The following ALDH5A1 variants were observed in gnomAD, a reference collection of about 807,000 sequenced individuals.
The protein encoded by ALDH5A1 is aldehyde dehydrogenase 5 family member A1, also known as succinate-semialdehyde dehydrogenase, mitochondrial.
A neutral mutation model predicts 54.7 loss-of-function variants in ALDH5A1; 33 were observed. The observed-to-expected ratio is 0.60, with a 90% confidence interval of 0.46 to 0.81. The LOEUF (loss-of-function observed/expected upper bound fraction) is 0.81. Ranked by LOEUF, ALDH5A1 falls within the 30% of genes least tolerant of loss-of-function variation. The pLI, the probability that ALDH5A1 is intolerant of heterozygous loss-of-function variation, is 0.00. For missense variants in ALDH5A1, 657 were observed against 711.0 expected, an observed-to-expected ratio of 0.92 and a Z score of 0.86; for synonymous variants, 294 against 292.7, an observed-to-expected ratio of 1.00 and a Z score of -0.05.
intron 4 of ALDH5A1, among the ~76,000 whole-genome samples, chr6:24,508,688 T>A (rs1759407794): frequency 6.6e-6 from 1 of 152,170 alleles, no homozygotes; most frequent in South Asian, 2.1e-4. Flanking sequence ...CTCTAAGGAA[T>A]CTCCACACTG....
At chr6:24,506,543 G>T (rs868815796) in intron 4 of ALDH5A1, among the ~76,000 whole-genome samples, 1 of 151,910 alleles carries the variant, frequency 6.6e-6, no homozygotes. Flanking sequence ...GAGCCACCAC[G>T]CTCGGCCTCT....
At chr6:24,497,988 CAGT>C (rs1764746636) in intron 1 of ALDH5A1, among the ~76,000 whole-genome samples, 1 of 150,792 alleles carries the variant, frequency 6.6e-6, no homozygotes, top group Non-Finnish European at 1.5e-5. Flanking sequence ...AGGGTGGTAG[CAGT>C]GGACAAGGTG....
chr6:24,519,755 G>GTT (rs35222716), intron 5 of ALDH5A1, among the ~76,000 whole-genome samples: 72 of 145,878 alleles, frequency 4.9e-4, no homozygotes, highest in East Asian at 1.4e-3. Context: ...ATACCATCCT[G>GTT]TTTTTTTTTT....
intron 7 of ALDH5A1, among the ~76,000 whole-genome samples, chr6:24,526,969 TG>T (rs1759820373): frequency 9.6e-4 from 7 of 7,286 alleles, no homozygotes; most frequent in African/African-American, 2.2e-3. Context: ...TATATATGTG[TG>T]TGTGTATATA....
intron 1 of ALDH5A1, among the ~76,000 whole-genome samples, chr6:24,499,372 T>A (rs950813826): frequency 1.3e-5 from 2 of 152,200 alleles, no homozygotes; most frequent in African/African-American, 4.8e-5. Flanking sequence ...GCGCTCTCTT[T>A]AGAGTGCCTT....
chr6:24,520,453 G>A lies in ALDH5A1; in HGVS notation c.923G>A (p.Gly308Asp), dbSNP rs766161222. Residue 308 changes from glycine to aspartate, a missense_variant, in exon 6 of 10, where the codon GGC (glycine) becomes GAC (aspartate). Transcript: ENST00000357578. ...NSVKRVSMELGGLAPFIVFDS... is the reference protein window; with the variant it reads ...NSVKRVSMELDGLAPFIVFDS... ...GTGAAAAGGGTCTCTATGGAGCTGG[G>A]CGGCCTTGCTCCATTTATAGTATTT... is the stretch of plus-strand genomic sequence containing the variant. 2 of 1,614,200 alleles carry A rather than the reference G, an allele frequency of 1.2e-6. No homozygotes were observed. The highest frequency in any genetic ancestry group is 3.3e-5 in the Admixed American group (2 of 60,014).
chr6:24,499,141 A>G (rs1764770639), intron 1 of ALDH5A1, among the ~76,000 whole-genome samples: 1 of 150,674 alleles, frequency 6.6e-6, no homozygotes, highest in African/African-American at 2.4e-5. Flanking sequence ...AAAATTAGCC[A>G]GGCATTGTGG....
At position 24,530,383 on chromosome 6, in the gene ALDH5A1, C is replaced by T. The variant is rs115306228; in HGVS notation, c.1344-1736C>T. On this transcript the variant is annotated intron_variant, in intron 8 of 9. Coordinates refer to ENST00000357578, the MANE Select transcript of ALDH5A1 (RefSeq NM_001080.3). ...TTTTTAAAAAAAACATTTTTATTCT[C>T]TTCCACCATTTCTGTCTCCCGTGGT... Among the ~76,000 whole-genome samples the T allele has an allele frequency of 3.6e-3, 544 of 152,266 alleles. 1 individual carries two copies. Among genetic ancestry groups the T allele is most frequent in the African/African-American group, 0.012 (506 of 41,566 alleles).
Position 24,532,116 on chromosome 6 carries a change from C to A in ALDH5A1, c.1344-3C>A. 3 of 1,614,016 alleles carry A rather than the reference C, an allele frequency of 1.9e-6. No homozygotes were observed. Among genetic ancestry groups the A allele is most frequent in the Non-Finnish European group, 8.5e-7 (1 of 1,179,894 alleles). On this transcript the variant is annotated splice_polypyrimidine_tract_variant and splice_region_variant and intron_variant, in intron 8 of 9. Coordinates refer to ENST00000357578, the MANE Select transcript of ALDH5A1 (RefSeq NM_001080.3). The stretch of plus-strand genomic sequence containing the variant: ...TTTTTATGACCTATCTTAACTTTGG[C>A]AGGTTCGATACAGAGGAGGAGGCTA...
chr6:24,530,510 T>G (rs1180101497), intron 8 of ALDH5A1, among the ~76,000 whole-genome samples: 1 of 152,176 alleles, frequency 6.6e-6, no homozygotes, highest in Non-Finnish European at 1.5e-5. Context: ...TCGGCAGCCT[T>G]GGCTTGTAAT....
chr6:24,502,385 A>C (rs542343748), intron 1 of ALDH5A1, 138 bp from the exon 2 acceptor site: 22 of 751,512 alleles, frequency 2.9e-5, no homozygotes, highest in Non-Finnish European at 5.1e-5. Context: ...TCCCAGTCAA[A>C]TTTACACATA....
chr6:24,502,776 G>T (rs190512078), intron 2 of ALDH5A1, among the ~76,000 whole-genome samples, 170 bp downstream of exon 2: 26 of 152,206 alleles, frequency 1.7e-4, no homozygotes, highest in Middle Eastern at 3.4e-3. Context: ...ACTTAGATTT[G>T]CTAAAATAAT....
At chr6:24,521,741 A>AGGT (rs1245623922) in intron 6 of ALDH5A1, among the ~76,000 whole-genome samples, 1 of 152,066 alleles carries the variant, frequency 6.6e-6, no homozygotes, top group African/African-American at 2.4e-5. Flanking sequence ...ACTTGGGGAC[A>AGGT]GGTATGGTGG....
chr6:24,519,180 A>G (rs1463223068), intron 5 of ALDH5A1, among the ~76,000 whole-genome samples: 3 of 152,012 alleles, frequency 2.0e-5, no homozygotes, highest in Non-Finnish European at 4.4e-5. Context: ...TTTAATGGCA[A>G]GGATGGAAAC....
intron 4 of ALDH5A1, among the ~76,000 whole-genome samples, chr6:24,513,720 A>G (rs1464423450): frequency 6.6e-6 from 1 of 152,196 alleles, no homozygotes. Flanking sequence ...TTGATAGGGC[A>G]AGGCCCTCCC....
At chr6:24,519,799 A>G (rs114919967) in intron 5 of ALDH5A1, among the ~76,000 whole-genome samples, 2,019 of 151,044 alleles carry the variant, frequency 0.013, 39 homozygotes, top group African/African-American at 0.045. Flanking sequence ...CTGCATGGCT[A>G]CATTCTAAAT....
At chr6:24,512,361 A>G (rs79232381) in intron 4 of ALDH5A1, among the ~76,000 whole-genome samples, 4,609 of 152,284 alleles carry the variant, frequency 0.03, 109 homozygotes, top group South Asian at 0.1. Context: ...TGTTTTGTCC[A>G]TCCGAGTGGG....
rs1299931365 is a variant in ALDH5A1 at position 24,531,860 on chromosome 6, A to G, written c.1344-259A>G. On this transcript the variant is annotated intron_variant, in intron 8 of 9. Transcript: ENST00000357578. ...TTTTGTTTGATATTCTGGATATGCC[A>G]CAGTTCCCTACATGTTGGTCTGCTT... is the stretch of plus-strand genomic sequence containing the variant. 13 of 524,396 alleles carry G rather than the reference A, an allele frequency of 2.5e-5. No individual in the cohort carries two copies. The East Asian group carries it at 4.4e-4, about 18-fold the overall frequency. The allele number at this position is 524,396 out of a possible 1,614,324, so 32.5% of individuals were successfully genotyped here.
rs1475837931 is a variant in ALDH5A1 at position 24,533,666 on chromosome 6, T to C, written c.1562T>C (p.Ile521Thr). The C allele has an allele frequency of 1.9e-6, 3 of 1,614,150 alleles. No homozygotes were observed. The highest frequency in any genetic ancestry group is 4.5e-5 in the East Asian group (2 of 44,890). The change falls in exon 10 of 10, where the codon ATT (isoleucine) becomes ACT (threonine). Residue 521 changes from isoleucine (I) to threonine (T), a missense_variant. Ile to Thr is a moderately conservative substitution (Grantham distance 89). Coordinates refer to ENST00000357578, the MANE Select transcript of ALDH5A1 (RefSeq NM_001080.3). ...GGGCGAGAGGGGTCCAAGTATGGCA[T>C]TGATGAGTATCTGGAACTCAAGTAT... ...GLGREGSKYG[I>T]DEYLELKYVC...
Sources: allele counts gnomAD v4.1 joint callset (sites outside exome capture counted in the v4.1 genomes callset), GRCh38; gene constraint gnomAD v4.1.1; transcripts MANE v1.5; gene names NCBI Gene and HGNC (gene_info 2026-07-23, HGNC 2026-07-21).